Variants in HDAC8 observed in about 807,000 individuals in gnomAD.
HDAC8 encodes the protein histone deacetylase 8.
HDAC8 carries 1 observed loss-of-function variant against 32.2 expected under a neutral mutation model. The observed-to-expected ratio is 0.03, with a 90% CI of 0.01 to 0.15. The LOEUF (loss-of-function observed/expected upper bound fraction) is 0.15, where lower values mean the gene tolerates loss of function less well. Ranked by LOEUF, HDAC8 falls within the 10% of genes least tolerant of loss-of-function variation. The probability of loss-of-function intolerance (pLI) is 1.00; values close to 1 mark genes in which losing one functional copy is unlikely to be tolerated. For missense variants in HDAC8, 117 were observed against 300.0 expected, an observed-to-expected ratio of 0.39 and a Z score of 4.51; for synonymous variants, 108 against 113.9, an observed-to-expected ratio of 0.95 and a Z score of 0.33.
intron 9 of HDAC8, among the ~76,000 whole-genome samples, chrX:72,392,563 G>A (rs2045640246): frequency 8.9e-6 from 1 of 112,151 alleles, no homozygotes; most frequent in African/African-American, 3.2e-5. Flanking sequence ...GTACCTACTA[G>A]CTTAGAATTA....
chrX:72,383,041 C>T (rs944901698), intron 9 of HDAC8, among the ~76,000 whole-genome samples: 5 of 112,109 alleles, frequency 4.5e-5, no homozygotes, highest in Non-Finnish European at 7.5e-5. Context: ...AGCATACAAA[C>T]TGGTCCTAGG....
At chrX:72,531,716 A>G (rs782385666) in intron 4 of HDAC8, among the ~76,000 whole-genome samples, 76 of 112,502 alleles carry the variant, frequency 6.8e-4, no homozygotes, top group African/African-American at 2.3e-3. Context: ...AATGGAATAT[A>G]CAATTTATGG....
intron 4 of HDAC8, among the ~76,000 whole-genome samples, chrX:72,546,450 T>C (rs782497173): frequency 1.8e-5 from 2 of 110,475 alleles, no homozygotes; most frequent in African/African-American, 3.3e-5. Context: ...AAGGAAGATA[T>C]TGGGAACTGA....
chrX:72,530,671 TTCTG>T (rs782788913), intron 4 of HDAC8, among the ~76,000 whole-genome samples: 31 of 111,074 alleles, frequency 2.8e-4, no homozygotes, highest in South Asian at 7.6e-4. Context: ...AGTTAACTGA[TTCTG>T]TCTGTCTGTC....
At chrX:72,467,533 G>A (rs1555995459) in intron 7 of HDAC8, 1 of 116,283 alleles carries the variant, frequency 8.6e-6, no homozygotes, top group African/African-American at 3.3e-5. Context: ...GCAGAAACAT[G>A]AAGGCTTGAC....
intron 9 of HDAC8, among the ~76,000 whole-genome samples, chrX:72,446,256 T>C (rs1355827382): frequency 8.9e-6 from 1 of 112,325 alleles, no homozygotes; most frequent in Non-Finnish European, 1.9e-5. Context: ...TGTGGCAATA[T>C]TCACAATAGC....
At chrX:72,473,394 T>A (rs2048240806) in intron 7 of HDAC8, 1 of 112,551 alleles carries the variant, frequency 8.9e-6, no homozygotes, top group Admixed American at 9.4e-5. Context: ...TGAATGAGAA[T>A]GATAATAATG....
chrX:72,550,545 G>GCA (rs200244321), intron 4 of HDAC8, among the ~76,000 whole-genome samples: 36 of 106,225 alleles, frequency 3.4e-4, no homozygotes, highest in East Asian at 2.9e-3. Flanking sequence ...ATACATACAT[G>GCA]CACACACACA....
intron 4 of HDAC8, among the ~76,000 whole-genome samples, chrX:72,561,946 C>T (rs782378368): frequency 8.9e-6 from 1 of 111,831 alleles, no homozygotes; most frequent in Admixed American, 9.4e-5. Context: ...ACATCACTAG[C>T]GATCAGGAAA....
intron 9 of HDAC8, among the ~76,000 whole-genome samples, chrX:72,383,314 T>C (rs1375164136): frequency 2.7e-5 from 3 of 112,482 alleles, no homozygotes; most frequent in African/African-American, 6.5e-5. Context: ...TTCTGGTTTT[T>C]TGAAATTGGG....
chrX:72,422,217 G>T (rs2046511622), intron 9 of HDAC8, among the ~76,000 whole-genome samples: 2 of 111,055 alleles, frequency 1.8e-5, no homozygotes, highest in Admixed American at 9.6e-5. Flanking sequence ...TCAAATTTGG[G>T]AAGTTTTTGG....
At chrX:72,492,185 A>G (rs782709834) in intron 5 of HDAC8, among the ~76,000 whole-genome samples, 5 of 112,287 alleles carry the variant, frequency 4.5e-5, no homozygotes, top group Non-Finnish European at 9.4e-5. Flanking sequence ...CTGATTATTG[A>G]TCAATCCAGA....
intron 9 of HDAC8, among the ~76,000 whole-genome samples, chrX:72,427,940 T>C (rs902299301): frequency 1.8e-5 from 2 of 112,025 alleles, no homozygotes; most frequent in African/African-American, 6.5e-5. Context: ...CCTAATTTTA[T>C]ATTCAAAATT....
intron 4 of HDAC8, among the ~76,000 whole-genome samples, chrX:72,513,470 C>T (rs1603136871): frequency 1.8e-5 from 2 of 109,753 alleles, no homozygotes; most frequent in Admixed American, 9.8e-5. Context: ...GAACCACAGG[C>T]GTGTACCACC....
intron 9 of HDAC8, among the ~76,000 whole-genome samples, chrX:72,364,653 G>T (rs1555953746): frequency 9.0e-6 from 1 of 111,100 alleles, no homozygotes; most frequent in Non-Finnish European, 1.9e-5. Context: ...TTGTTTAGAG[G>T]CATTGAATTT....
rs1555988392 is a variant in HDAC8, at chrX:72,453,463, A to AG, written c.1005+8540_1005+8541insC. Among the ~76,000 whole-genome samples the AG allele has an allele frequency of 9.5e-5, 9 of 94,584 alleles. 1 individual carries two copies. Among genetic ancestry groups the AG allele is most frequent in the African/African-American group, 3.7e-4 (9 of 24,340 alleles). 82.1% of individuals were successfully genotyped at this position (94,584 alleles called of 115,157 possible). A position where few individuals can be genotyped will look rare whatever the true frequency, so the allele number is the denominator to read the frequency against. On this transcript the variant is annotated intron_variant, in intron 9 of 10. Transcript: ENST00000373573. ...CGGAGTAAGACTCTGTCTCTTAAAA[A>AG]TAAAGAAAGAAAGAAAGAAAGAAAG...
chrX:72,440,500 C>T (rs369444685), intron 9 of HDAC8, among the ~76,000 whole-genome samples: 1 of 111,269 alleles, frequency 9.0e-6, no homozygotes, highest in African/African-American at 3.3e-5. Flanking sequence ...GAGATAGAGA[C>T]ACAAAAAACC....
intron 4 of HDAC8, among the ~76,000 whole-genome samples, chrX:72,548,884 G>A (rs2050963188): frequency 9.0e-6 from 1 of 111,484 alleles, no homozygotes. Context: ...TGCCCAGGCT[G>A]TCAAACATTT....
chrX:72,461,249 A>G (rs1254895745), intron 9 of HDAC8, among the ~76,000 whole-genome samples: 2 of 111,612 alleles, frequency 1.8e-5, no homozygotes, highest in Non-Finnish European at 3.8e-5. Flanking sequence ...ATACATCTTG[A>G]TCTATAACAT....
Sources: allele counts gnomAD v4.1 joint callset (sites outside exome capture counted in the v4.1 genomes callset), GRCh38; gene constraint gnomAD v4.1.1; transcripts MANE v1.5; gene names NCBI Gene and HGNC (gene_info 2026-07-23, HGNC 2026-07-21).